ALPK2: variants seen among roughly 807,000 people sequenced by gnomAD.
ALPK2 encodes the protein alpha-protein kinase 2.
ALPK2 carries 127 observed loss-of-function variants against 163.1 expected under a neutral mutation model. The ratio of observed to expected loss-of-function variants is 0.78; its 90% CI spans 0.67 to 0.90. The LOEUF (loss-of-function observed/expected upper bound fraction) is 0.90, where lower values mean the gene tolerates loss of function less well. Among genes scored for constraint, ALPK2 ranks in the 40% least tolerant of loss-of-function variants. ALPK2 has a pLI of 0.00. For synonymous variants in ALPK2, 953 were observed against 959.1 expected, an observed-to-expected ratio of 0.99 and a Z score of 0.12; for missense variants, 2,360 against 2,589.6, an observed-to-expected ratio of 0.91 and a Z score of 1.92.
intron 4 of ALPK2, among the ~76,000 whole-genome samples, chr18:58,549,789 T>C (rs1329659876): frequency 6.6e-6 from 1 of 152,184 alleles, no homozygotes; most frequent in African/African-American, 2.4e-5. Context: ...CTAGTACTGC[T>C]GGCCCCACCC....
At chr18:58,524,130 TAAG>T (rs895693300) in intron 6 of ALPK2, 68 bp from the exon 7 acceptor site, 142 of 1,545,640 alleles carry the variant, frequency 9.2e-5, no homozygotes, top group Admixed American at 1.2e-4. Context: ...CTAATATACT[TAAG>T]GAGAAAGAAG....
At chr18:58,593,648 CG>C (rs2052027051) in intron 3 of ALPK2, among the ~76,000 whole-genome samples, 2 of 148,930 alleles carry the variant, frequency 1.3e-5, no homozygotes, top group Non-Finnish European at 3.0e-5. Context: ...GAGGCCAAGG[CG>C]GGTGGATCAC....
At chr18:58,525,549 A>C (rs1192982683) in intron 6 of ALPK2, among the ~76,000 whole-genome samples, 1 of 152,180 alleles carries the variant, frequency 6.6e-6, no homozygotes, top group East Asian at 1.9e-4. Context: ...CAGAACCACG[A>C]AGACCGTTTT....
chr18:58,520,771 T>G (rs1335989955), intron 8 of ALPK2, among the ~76,000 whole-genome samples: 1 of 152,252 alleles, frequency 6.6e-6, no homozygotes, highest in Non-Finnish European at 1.5e-5. Context: ...TTGTAAAAGA[T>G]TATTTATTCC....
intron 12 of ALPK2, among the ~76,000 whole-genome samples, chr18:58,482,830 C>G (rs1028179663): frequency 6.6e-6 from 1 of 152,198 alleles, no homozygotes; most frequent in African/African-American, 2.4e-5. Context: ...GACAGCTGCC[C>G]AGCCCCTAAG....
intron 4 of ALPK2, among the ~76,000 whole-genome samples, chr18:58,551,940 G>A (rs2051762268): frequency 6.6e-6 from 1 of 152,204 alleles, no homozygotes; most frequent in Non-Finnish European, 1.5e-5. Context: ...GGCAGGGACT[G>A]AAGAGTTCCT....
At chr18:58,544,794 G>A (rs1368572168) in intron 4 of ALPK2, 1 of 152,212 alleles carries the variant, frequency 6.6e-6, no homozygotes. Context: ...GGCAGATGTG[G>A]TAGATACTGT....
Position 58,524,553 on chromosome 18 carries a change from G to A in ALPK2, c.5502-491C>T, listed in dbSNP as rs146008801. 4.7e-4 allele frequency among the ~76,000 whole-genome samples: 71 copies of A among 152,250 alleles called. No homozygotes were observed. The East Asian group carries it at 0.012, about 26-fold the overall frequency. On this transcript the variant is annotated intron_variant, in intron 6 of 12. Coordinates refer to ENST00000361673, the MANE Select transcript of ALPK2 (RefSeq NM_052947.4). ...CTCCCCTAGTGAGGTACCAACCATC[G>A]AACCATTCACTCACCCAAAATTATT... is the stretch of plus-strand genomic sequence containing the variant.
chr18:58,626,471 G>A (rs2052231399), intron 1 of ALPK2, among the ~76,000 whole-genome samples: 1 of 151,568 alleles, frequency 6.6e-6, no homozygotes, highest in Non-Finnish European at 1.5e-5. Flanking sequence ...CTCTCTCAAT[G>A]CAAGACTCGA....
At chr18:58,584,694 C>A (rs927524727) in intron 3 of ALPK2, among the ~76,000 whole-genome samples, 3 of 152,188 alleles carry the variant, frequency 2.0e-5, no homozygotes, top group African/African-American at 7.2e-5. Flanking sequence ...ACATCATGTC[C>A]AGCCCCCAAA....
chr18:58,520,396 T>C (rs974855427), intron 8 of ALPK2, among the ~76,000 whole-genome samples: 1 of 126,786 alleles, frequency 7.9e-6, no homozygotes, highest in African/African-American at 2.9e-5. Context: ...GCCATTGCAC[T>C]TTAGCCTGGG....
intron 3 of ALPK2, among the ~76,000 whole-genome samples, chr18:58,594,005 G>GTT (rs1391792983): frequency 6.9e-6 from 1 of 144,968 alleles, no homozygotes. Flanking sequence ...TTCACCATCA[G>GTT]TTTTTTTTTT....
chr18:58,483,679 T>C (rs570396885), intron 12 of ALPK2, among the ~76,000 whole-genome samples: 56 of 151,640 alleles, frequency 3.7e-4, no homozygotes, highest in Non-Finnish European at 7.5e-4. Flanking sequence ...GCCTCCCAAG[T>C]AGCTGGGATT....
At chr18:58,589,287 G>C (rs754752293) in intron 3 of ALPK2, among the ~76,000 whole-genome samples, 1 of 152,190 alleles carries the variant, frequency 6.6e-6, no homozygotes, top group Non-Finnish European at 1.5e-5. Context: ...CAGAGATTCT[G>C]ATTCAATGCT....
chr18:58,567,709 A>G (rs2051863701), intron 4 of ALPK2, among the ~76,000 whole-genome samples: 1 of 152,218 alleles, frequency 6.6e-6, no homozygotes, highest in Admixed American at 6.5e-5. Flanking sequence ...GAATAGCTGG[A>G]ATAAATTACA....
intron 4 of ALPK2, among the ~76,000 whole-genome samples, chr18:58,569,389 T>C (rs2051873509): frequency 6.6e-6 from 1 of 152,188 alleles, no homozygotes; most frequent in Non-Finnish European, 1.5e-5. Context: ...ATTCCATGCA[T>C]AGCTAGGGTT....
chr18:58,544,203 T>A (rs2051705808), intron 4 of ALPK2: 1 of 152,312 alleles, frequency 6.6e-6, no homozygotes, highest in South Asian at 2.1e-4. Context: ...GAAAGCAGCA[T>A]TAAGCTTGGA....
intron 9 of ALPK2, 138 bp downstream of exon 9, chr18:58,516,770 G>A: frequency 9.5e-7 from 1 of 1,057,356 alleles, no homozygotes; most frequent in Non-Finnish European, 1.4e-6. Flanking sequence ...CCCCAGCATT[G>A]AGATTGAATT....
At chr18:58,492,076 C>T (rs528613605) in intron 12 of ALPK2, among the ~76,000 whole-genome samples, 8 of 152,310 alleles carry the variant, frequency 5.3e-5, no homozygotes, top group East Asian at 3.9e-4. Context: ...AACATCACTC[C>T]GCCGTTAGTC....
Sources: gnomAD v4.1 joint callset for allele counts (sites outside exome capture counted in the v4.1 genomes callset) on GRCh38, gnomAD v4.1.1 for gene constraint, MANE v1.5 for transcripts, NCBI Gene and HGNC (gene_info 2026-07-23, HGNC 2026-07-21) for gene names.